LANCL2: variants seen among roughly 807,000 people sequenced by gnomAD.
LANCL2 encodes LanC like glutathione S-transferase 2.
In LANCL2, 33 loss-of-function variants were observed where a neutral mutation model predicts 56.9. That is an observed-to-expected ratio of 0.58 (90% CI 0.44 to 0.78). The LOEUF is 0.78. LANCL2 is among the 30% of genes least tolerant of loss of function. The pLI, the probability that LANCL2 is intolerant of heterozygous loss-of-function variation, is 0.00. For missense variants in LANCL2, 562 were observed against 580.2 expected (o/e 0.97, Z 0.32); for synonymous variants, 233 against 228.2 (o/e 1.02, Z -0.19).
At chr7:55,383,879 T>G (rs1254908596) in intron 1 of LANCL2, among the ~76,000 whole-genome samples, 1 of 152,124 alleles carries the variant, frequency 6.6e-6, no homozygotes, top group Non-Finnish European at 1.5e-5. Flanking sequence ...CCTCTCAAAG[T>G]TAATTCAGCC....
intron 5 of LANCL2, among the ~76,000 whole-genome samples, chr7:55,409,182 G>A (rs1365216889): frequency 1.3e-5 from 2 of 149,510 alleles, no homozygotes; most frequent in African/African-American, 2.5e-5. Context: ...TCTGCCTCCC[G>A]GGTTCATGCC....
At chr7:55,387,530 GT>G (rs970581464) in intron 1 of LANCL2, among the ~76,000 whole-genome samples, 64 of 148,988 alleles carry the variant, frequency 4.3e-4, no homozygotes, top group Non-Finnish European at 8.0e-4. Flanking sequence ...ATGCTTCTGA[GT>G]TTTTTTTGGT....
chr7:55,412,408 G>A lies in LANCL2; in HGVS notation c.1008+319G>A, dbSNP rs139262802. 3.9e-3 allele frequency among the ~76,000 whole-genome samples: 588 copies of A among 152,260 alleles called. 4 individuals carry two copies. The highest frequency in any genetic ancestry group is 0.014 in the Middle Eastern group (4 of 294). Reference sequence around the variant, plus strand: ...GGATATCCAGTAAGGTAGTGGACAGGATTATAACCAAAGTGCTTTTTTGTT... The same window carrying A: ...GGATATCCAGTAAGGTAGTGGACAGAATTATAACCAAAGTGCTTTTTTGTT... On this transcript the variant is annotated intron_variant, in intron 6 of 8. Coordinates refer to ENST00000254770, the MANE Select transcript of LANCL2 (RefSeq NM_018697.4).
At chr7:55,376,864 T>A (rs550747511) in intron 1 of LANCL2, among the ~76,000 whole-genome samples, 1 of 152,360 alleles carries the variant, frequency 6.6e-6, no homozygotes, top group Non-Finnish European at 1.5e-5. Context: ...AAGCATTATT[T>A]GTTTTTCAAA....
chr7:55,419,363 T>TAAGGTCTG (rs1210129676), intron 6 of LANCL2, among the ~76,000 whole-genome samples: 1 of 151,630 alleles, frequency 6.6e-6, no homozygotes, highest in Admixed American at 6.6e-5. Flanking sequence ...TAATGTTTAG[T>TAAGGTCTG]AAGGTCTGAA....
At chr7:55,414,318 A>G (rs968328093) in intron 6 of LANCL2, among the ~76,000 whole-genome samples, 9 of 152,138 alleles carry the variant, frequency 5.9e-5, no homozygotes, top group East Asian at 1.9e-4. Context: ...ACAGCTCTAC[A>G]CTGTTTTCTC....
intron 1 of LANCL2, among the ~76,000 whole-genome samples, chr7:55,391,147 G>A (rs1790184168): frequency 6.6e-6 from 1 of 151,366 alleles, no homozygotes; most frequent in Non-Finnish European, 1.5e-5. Flanking sequence ...CTCCCGCGTA[G>A]CTGGGACTAC....
chr7:55,391,108 C>G (rs1790183609), intron 1 of LANCL2, among the ~76,000 whole-genome samples: 1 of 150,972 alleles, frequency 6.6e-6, no homozygotes, highest in African/African-American at 2.4e-5. Flanking sequence ...GCTCCGCCTC[C>G]CGGGTTCACG....
chr7:55,420,449 T>G (rs1441251269), intron 6 of LANCL2, among the ~76,000 whole-genome samples: 1 of 152,262 alleles, frequency 6.6e-6, no homozygotes, highest in Non-Finnish European at 1.5e-5. Context: ...TAAAATTTAC[T>G]TAGATGTATT....
In LANCL2 at chr7:55,365,953, AGGC is replaced by A; in HGVS notation, c.-64_-62del. ...CGCTCTCTGCGCGGGCCCTCGGAGG[AGGC>A]GGCGGCGGGGCGAGCTGCAGCGCCG... On this transcript the variant is annotated 5_prime_UTR_variant, in exon 1 of 9. Transcript: ENST00000254770. The A allele has an allele frequency of 4.9e-6, 6 of 1,212,422 alleles. No homozygotes were observed. The highest frequency in any genetic ancestry group is 3.1e-5 in the East Asian group (1 of 31,950). The allele number at this position is 1,212,422 out of a possible 1,614,324, so 75.1% of individuals were successfully genotyped here.
chr7:55,431,245 C>G lies in LANCL2; in HGVS notation c.1278C>G (p.His426Gln). Residue 426 changes from histidine (H) to glutamine (Q), a missense_variant, in exon 9 of 9, where the codon CAC becomes CAG. His to Gln is a conservative substitution (Grantham distance 24, BLOSUM62 0). This residue lies in a region of LANCL2 where 378 missense variants were observed against 468.4 expected (regional missense o/e 0.81). Coordinates refer to ENST00000254770, the MANE Select transcript of LANCL2 (RefSeq NM_018697.4). ...SLFEGMAGAI[H>Q]FLSDVLGPET... The stretch of plus-strand genomic sequence containing the variant: ...TTGCAGGCATGGCTGGCGCTATTCA[C>G]TTTCTCTCTGATGTCCTGGGACCAG... 4 of 1,613,488 alleles carry G rather than the reference C, an allele frequency of 2.5e-6. No homozygotes were observed. Among genetic ancestry groups the G allele is most frequent in the Non-Finnish European group, 3.4e-6 (4 of 1,179,746 alleles).
chr7:55,398,298 G>T, intron 2 of LANCL2, 125 bp from the exon 3 acceptor site: 2 of 675,314 alleles, frequency 3.0e-6, no homozygotes, highest in Non-Finnish European at 5.2e-6. Context: ...GTATTGTTTT[G>T]GTGTTACCCG....
intron 6 of LANCL2, among the ~76,000 whole-genome samples, chr7:55,413,206 A>G (rs1568820): frequency 0.34 from 51,071 of 152,110 alleles, 9,189 homozygotes; most frequent in East Asian, 0.53. Flanking sequence ...TTCTGTTCAA[A>G]TCACTGCCTC....
intron 6 of LANCL2, among the ~76,000 whole-genome samples, chr7:55,415,621 C>CTTTTTTGTTTTTTTTTTT (rs1790527240): frequency 8.9e-6 from 1 of 111,770 alleles, no homozygotes; most frequent in Non-Finnish European, 1.8e-5. Context: ...GTTTTTCTTT[C>CTTTTTTGTTTTTTTTTTT]TTTTTTTTGA....
intron 6 of LANCL2, among the ~76,000 whole-genome samples, chr7:55,422,827 C>T (rs777945900): frequency 2.0e-5 from 3 of 152,226 alleles, no homozygotes; most frequent in Admixed American, 2.0e-4. Flanking sequence ...GTTCCCTTTT[C>T]ATCTTTGAAG....
intron 1 of LANCL2, among the ~76,000 whole-genome samples, chr7:55,390,475 G>A (rs1200980237): frequency 5.3e-5 from 8 of 152,042 alleles, no homozygotes; most frequent in South Asian, 2.1e-4. Context: ...GTGTGGTGGC[G>A]GGTGCTTGTA....
intron 7 of LANCL2, 90 bp downstream of exon 7, chr7:55,425,520 T>C: frequency 8.1e-7 from 1 of 1,231,606 alleles, no homozygotes; most frequent in Middle Eastern, 2.1e-4. Flanking sequence ...TTCCTTCTTT[T>C]AACCTGTTTC....
In LANCL2 at chr7:55,398,503, A is replaced by C; in HGVS notation, c.403A>C (p.Arg135=). Residue 135 remains arginine (R), a synonymous_variant, in exon 3 of 9, where the codon AGA becomes CGA. Transcript: ENST00000254770. ...GCTCCGATCCCTGGATTACGTAAAA[A>C]GAACACTTCGGAATCTGAATGGCCG... The part of the protein sequence containing the change: ...YLLRSLDYVK[R]TLRNLNGRRV... The C allele has an allele frequency of 6.2e-7, 1 of 1,614,222 alleles. No homozygotes were observed. The highest frequency in any genetic ancestry group is 8.5e-7 in the Non-Finnish European group (1 of 1,180,036).
In LANCL2 at chr7:55,392,162, G is replaced by A. The variant is rs546655463; in HGVS notation, c.322+252G>A. Among the ~76,000 whole-genome samples, 8 of 151,996 alleles carry A rather than the reference G, an allele frequency of 5.3e-5. No individual in the cohort carries two copies. The East Asian group carries it at 9.7e-4, about 18-fold the overall frequency. ...ATAAAAATTAGCCAGGTGTGGTGTCGGGCACCTGTAATCCCAGCTACTTGG... is the reference window on the plus strand; with the variant it reads ...ATAAAAATTAGCCAGGTGTGGTGTCAGGCACCTGTAATCCCAGCTACTTGG... On this transcript the variant is annotated intron_variant, in intron 2 of 8. Transcript: ENST00000254770.
Sources: allele counts gnomAD v4.1 joint callset (sites outside exome capture counted in the v4.1 genomes callset), GRCh38; gene constraint gnomAD v4.1.1; regional missense constraint gnomAD v4.1.1; transcripts MANE v1.5; gene names NCBI Gene and HGNC (gene_info 2026-07-23, HGNC 2026-07-21).